The following CAVIN3 variants were observed in gnomAD, a reference collection of about 807,000 sequenced individuals.
CAVIN3 encodes caveolae associated protein 3, also known as caveolae-associated protein 3.
A neutral mutation model predicts 8.2 loss-of-function variants in CAVIN3; 11 were observed. The observed-to-expected ratio is 1.35, with a 90% CI of 0.85 to 2.23. The LOEUF (loss-of-function observed/expected upper bound fraction) is 2.23. Ranked by LOEUF, CAVIN3 falls within the 30% of genes most tolerant of loss-of-function variation. The probability of loss-of-function intolerance (pLI) is 0.00; values close to 1 mark genes in which losing one functional copy is unlikely to be tolerated. For missense variants in CAVIN3, 401 were observed against 359.5 expected, an observed-to-expected ratio of 1.12 and a Z score of -0.93; for synonymous variants, 191 against 166.3, an observed-to-expected ratio of 1.15 and a Z score of -1.14.
intron 1 of CAVIN3, chr11:6,319,832 G>T: frequency 4.5e-6 from 3 of 663,254 alleles, no homozygotes; most frequent in Non-Finnish European, 7.9e-6. Context: ...GATTGGCTGG[G>T]ACTCAGACCA....
intron 1 of CAVIN3, 42 bp downstream of exon 1, chr11:6,320,051 C>T: frequency 6.5e-7 from 1 of 1,534,220 alleles, no homozygotes; most frequent in Non-Finnish European, 8.7e-7. Flanking sequence ...GGCCCACAGG[C>T]CGGCAAAGGC....
chr11:6,320,000 G>T, intron 1 of CAVIN3, 93 bp downstream of exon 1: 1 of 1,325,182 alleles, frequency 7.5e-7, no homozygotes, highest in South Asian at 1.5e-5. Flanking sequence ...TCAGGAATGT[G>T]GGTGTGGTAG....
At position 6,319,042 on chromosome 11, in the gene CAVIN3, G is replaced by T; in HGVS notation, c.*121C>A. The T allele has an allele frequency of 1.9e-6, 2 of 1,035,062 alleles. No homozygotes were observed. Among genetic ancestry groups the T allele is most frequent in the Non-Finnish European group, 2.7e-6 (2 of 728,088 alleles). 64.1% of individuals were successfully genotyped at this position (1,035,062 alleles called of 1,614,324 possible). The stretch of plus-strand genomic sequence containing the variant: ...CAGGACTGGGCTTAAGGAAGGGAGG[G>T]CCAGAGCGCCCGCCTTGGTGGATGT... On this transcript the variant is annotated 3_prime_UTR_variant, in exon 2 of 2. Coordinates refer to ENST00000303927, the MANE Select transcript of CAVIN3 (RefSeq NM_145040.3).
rs370407073 is a variant in CAVIN3, at chr11:6,320,263, C to G, written c.214G>C (p.Asp72His). The change falls in exon 1 of 2, where the codon GAC becomes CAC. Residue 72 changes from aspartate to histidine, a missense_variant. Coordinates refer to ENST00000303927, the MANE Select transcript of CAVIN3 (RefSeq NM_145040.3). ...SGLGALSRSH[D>H]TTSNTLAQLL... is the part of the protein sequence containing the mutation. The stretch of plus-strand genomic sequence containing the variant: ...TGCGCCAAGGTGTTGCTGGTGGTGT[C>G]GTGGCTGCGACTCAGAGCGCCCAGG... 7.7e-6 allele frequency: 12 copies of G among 1,564,386 alleles called. No individual in the cohort carries two copies. The African/African-American group carries it at 1.5e-4, about 19-fold the overall frequency.
At chr11:6,319,925 G>T in intron 1 of CAVIN3, 168 bp downstream of exon 1, 1 of 801,636 alleles carries the variant, frequency 1.2e-6, no homozygotes, top group Non-Finnish European at 1.9e-6. Flanking sequence ...GAGGGATGGG[G>T]CTGGGTCTTG....
rs143254060 is a variant in CAVIN3, at chr11:6,319,392, A to G, written c.557T>C (p.Val186Ala). 12 of 1,610,248 alleles carry G rather than the reference A, an allele frequency of 7.5e-6. No individual in the cohort carries two copies. Among genetic ancestry groups the G allele is most frequent in the Non-Finnish European group, 1.0e-5 (12 of 1,178,818 alleles). Reference sequence around the variant, plus strand: ...CGAAAGGGCCCTTCGGAGGCTCTGTACCTTCTGCAATCCGGTGCGCCGCAG... The same window carrying G: ...CGAAAGGGCCCTTCGGAGGCTCTGTGCCTTCTGCAATCCGGTGCGCCGCAG... ...QRLRRTGLQK[V>A]QSLRRALSGR... Residue 186 changes from valine (V) to alanine (A), a missense_variant, in exon 2 of 2, where the codon GTA becomes GCA. Coordinates refer to ENST00000303927, the MANE Select transcript of CAVIN3 (RefSeq NM_145040.3).
rs1451573043 is a variant in CAVIN3, at chr11:6,320,479, T to C, written c.-3A>G. 3 of 1,506,500 alleles carry C rather than the reference T, an allele frequency of 2.0e-6. No individual in the cohort carries two copies. In the East Asian group the frequency reaches 7.2e-5, roughly 36 times the overall value. 93.3% of individuals were successfully genotyped at this position (1,506,500 alleles called of 1,614,324 possible). On this transcript the variant is annotated 5_prime_UTR_variant, in exon 1 of 2. Transcript: ENST00000303927. ...CGCTCCAACGCACTCTCCCTCATGA[T>C]CCCTGACCGCTCTGCTCCGTCTGCC...
At position 6,320,111 on chromosome 11, in the gene CAVIN3, G is replaced by A. The variant is rs767740864; in HGVS notation, c.366C>T (p.Leu122=). Residue 122 remains leucine, a synonymous_variant, in exon 1 of 2, where the codon CTC becomes CTT. Coordinates refer to ENST00000303927, the MANE Select transcript of CAVIN3 (RefSeq NM_145040.3). ...CACTGACCTTGAAGAGCAGAACGTG[G>A]AGCTTCCCGCGCGCCACCAGCAGCC... The part of the protein sequence containing the change: ...NHGLLVARGK[L]HVLLFKEEGE... 6.3e-7 allele frequency: 1 copy of A among 1,590,196 alleles called. No homozygotes were observed. The highest frequency in any genetic ancestry group is 1.7e-5 in the Admixed American group (1 of 59,058).
rs142101480 is a variant in CAVIN3 at position 6,319,854 on chromosome 11, C to A, written c.384+239G>T. 1.7e-4 allele frequency: 111 copies of A among 665,868 alleles called. 1 individual carries two copies. The Middle Eastern group carries it at 3.6e-3, about 22-fold the overall frequency. 41.2% of individuals were successfully genotyped at this position (665,868 alleles called of 1,614,324 possible). A position where few individuals can be genotyped will look rare whatever the true frequency, so the allele number is the denominator to read the frequency against. On this transcript the variant is annotated intron_variant, in intron 1 of 1. Coordinates refer to ENST00000303927, the MANE Select transcript of CAVIN3 (RefSeq NM_145040.3). ...TGGGACTCAGACCAAATTCTGCGGACGTGGCCTGAGCTAGAGCTGGGCGGG... is the reference window on the plus strand; with the variant it reads ...TGGGACTCAGACCAAATTCTGCGGAAGTGGCCTGAGCTAGAGCTGGGCGGG...
Position 6,319,323 on chromosome 11 carries a change from G to A in CAVIN3, c.626C>T (p.Pro209Leu), listed in dbSNP as rs543801330. Residue 209 changes from proline (P) to leucine (L), a missense_variant, in exon 2 of 2, where the codon CCG (proline) becomes CTG (leucine). Coordinates refer to ENST00000303927, the MANE Select transcript of CAVIN3 (RefSeq NM_145040.3). ...PAAPPPTPVK[P>L]PRLGPGRSAE... is the part of the protein sequence containing the mutation. ...GCTCCGGCCAGGCCCAAGGCGAGGC[G>A]GCTTGACCGGGGTGGGCGGTGGCGC... 2.2e-5 allele frequency: 36 copies of A among 1,604,196 alleles called. No individual in the cohort carries two copies. In the African/African-American group the frequency reaches 3.6e-4, roughly 16 times the overall value.
Position 6,319,142 on chromosome 11 carries a change from G to C in CAVIN3, c.*21C>G. ...TTTTGGGACAAGGCACAAGCACAGG[G>C]GAGGCAGGCAACACCAGCCCTCAGG... On this transcript the variant is annotated 3_prime_UTR_variant, in exon 2 of 2. Transcript: ENST00000303927. The C allele has an allele frequency of 6.6e-7, 1 of 1,510,906 alleles. No homozygotes were observed. Among genetic ancestry groups the C allele is most frequent in the South Asian group, 1.3e-5 (1 of 74,624 alleles). 93.6% of individuals were successfully genotyped at this position (1,510,906 alleles called of 1,614,324 possible). A position where few individuals can be genotyped will look rare whatever the true frequency, so the allele number is the denominator to read the frequency against.
At position 6,320,290 on chromosome 11, in the gene CAVIN3, C is replaced by G. The variant is rs907105022; in HGVS notation, c.187G>C (p.Gly63Arg). 7 of 1,566,450 alleles carry G rather than the reference C, an allele frequency of 4.5e-6. No individual in the cohort carries two copies. In the East Asian group the frequency reaches 7.0e-5, roughly 16 times the overall value. The change falls in exon 1 of 2, where the codon GGC becomes CGC. Residue 63 changes from glycine (G) to arginine (R), a missense_variant. Transcript: ENST00000303927. ...TGGCTGCGACTCAGAGCGCCCAGGC[C>G]GCTCTGGATGCGGCGCACGGACCCT... Reference protein sequence around the residue: ...LAGSVRRIQSGLGALSRSHDT... With the variant: ...LAGSVRRIQSRLGALSRSHDT...
intron 1 of CAVIN3, chr11:6,319,773 G>T: frequency 2.8e-6 from 2 of 709,822 alleles, no homozygotes; most frequent in Non-Finnish European, 4.9e-6. Flanking sequence ...GCGAGAAGAG[G>T]ATAGTGCCCG....
rs765898204 is a variant in CAVIN3 at position 6,319,383 on chromosome 11, A to C, written c.566T>G (p.Leu189Arg). The change falls in exon 2 of 2, where the codon CTC becomes CGC. Residue 189 changes from leucine to arginine, a missense_variant. Coordinates refer to ENST00000303927, the MANE Select transcript of CAVIN3 (RefSeq NM_145040.3). ...TTTCCGGCCCGAAAGGGCCCTTCGG[A>C]GGCTCTGTACCTTCTGCAATCCGGT... The part of the protein sequence containing the change: ...RRTGLQKVQS[L>R]RRALSGRKGP... 6.2e-7 allele frequency: 1 copy of C among 1,601,542 alleles called. No homozygotes were observed. The highest frequency in any genetic ancestry group is 2.2e-5 in the East Asian group (1 of 44,760).
chr11:6,319,027 C>T lies in CAVIN3; in HGVS notation c.*136G>A, dbSNP rs1396490097. The stretch of plus-strand genomic sequence containing the variant: ...CTCTTTCAGAGGACACAGGACTGGG[C>T]TTAAGGAAGGGAGGGCCAGAGCGCC... On this transcript the variant is annotated 3_prime_UTR_variant, in exon 2 of 2. Coordinates refer to ENST00000303927, the MANE Select transcript of CAVIN3 (RefSeq NM_145040.3). The T allele has an allele frequency of 8.4e-6, 7 of 832,572 alleles. No individual in the cohort carries two copies. Among genetic ancestry groups the T allele is most frequent in the Middle Eastern group, 2.8e-4 (1 of 3,600 alleles). 51.6% of individuals were successfully genotyped at this position (832,572 alleles called of 1,614,324 possible).
Position 6,319,420 on chromosome 11 carries a change from G to A in CAVIN3, c.529C>T (p.Arg177Trp), listed in dbSNP as rs1846776766. The change falls in exon 2 of 2, where the codon CGG becomes TGG. Residue 177 changes from arginine to tryptophan, a missense_variant. Physicochemically the swap from Arg to Trp is moderately radical, Grantham distance 101 (BLOSUM62 -3). Coordinates refer to ENST00000303927, the MANE Select transcript of CAVIN3 (RefSeq NM_145040.3). ...TTCTGCAATCCGGTGCGCCGCAGCCGCTGGGCCCTGGACTCCACCGGCTCC... is the reference window on the plus strand; with the variant it reads ...TTCTGCAATCCGGTGCGCCGCAGCCACTGGGCCCTGGACTCCACCGGCTCC... ...DEEPVESRAQ[R>W]LRRTGLQKVQ... The A allele has an allele frequency of 6.2e-7, 1 of 1,611,222 alleles. No homozygotes were observed.
At chr11:6,320,006 G>A in intron 1 of CAVIN3, 87 bp downstream of exon 1, 1 of 1,370,436 alleles carries the variant, frequency 7.3e-7, no homozygotes, top group Non-Finnish European at 9.8e-7. Flanking sequence ...ATGTGGGTGT[G>A]GTAGGTGGAT....
Position 6,319,239 on chromosome 11 carries a change from G to A in CAVIN3, c.710C>T (p.Pro237Leu). 6.3e-7 allele frequency: 1 copy of A among 1,593,900 alleles called. No individual in the cohort carries two copies. The highest frequency in any genetic ancestry group is 1.1e-5 in the South Asian group (1 of 87,704). ...ALEPTLEPEP[P>L]QDTEEDPGRP... ...CCCGGGATCTTCCTCGGTGTCCTGC[G>A]GAGGCTCTGGCTCCAGCGTGGGCTC... The change falls in exon 2 of 2, where the codon CCG (proline) becomes CTG (leucine). Residue 237 changes from proline (P) to leucine (L), a missense_variant. Transcript: ENST00000303927.
chr11:6,320,394 A>G lies in CAVIN3; in HGVS notation c.83T>C (p.Leu28Pro). ...CAGCATGGAGGCCAGCTTCTCCAGC[A>G]GGGTCACCACCGTCACGGCGTGCAC... ...GPVHAVTVVT[L>P]LEKLASMLET... The change falls in exon 1 of 2, where the codon CTG becomes CCG. Residue 28 changes from leucine to proline, a missense_variant. Transcript: ENST00000303927. 6.3e-7 allele frequency: 1 copy of G among 1,585,064 alleles called. No homozygotes were observed. The highest frequency in any genetic ancestry group is 8.5e-7 in the Non-Finnish European group (1 of 1,172,786).
Sources: allele counts gnomAD v4.1 joint callset, GRCh38; gene constraint gnomAD v4.1.1; transcripts MANE v1.5; gene names NCBI Gene and HGNC (gene_info 2026-07-23, HGNC 2026-07-21).